PTPRN2: variants seen among roughly 807,000 people sequenced by gnomAD.
PTPRN2 encodes receptor-type tyrosine-protein phosphatase N2.
A neutral mutation model predicts 118.8 loss-of-function variants in PTPRN2; 74 were observed. The observed-to-expected ratio is 0.62, with a 90% CI of 0.52 to 0.76. The LOEUF (loss-of-function observed/expected upper bound fraction) is 0.76, where lower values mean the gene tolerates loss of function less well. Ranked by LOEUF, PTPRN2 falls within the 30% of genes least tolerant of loss-of-function variation. PTPRN2 has a pLI of 0.00. For synonymous variants in PTPRN2, 641 were observed against 608.0 expected, an observed-to-expected ratio of 1.05 and a Z score of -0.80; for missense variants, 1,481 against 1,394.4, an observed-to-expected ratio of 1.06 and a Z score of -0.99.
chr7:157,756,247 C>T (rs556018529), intron 12 of PTPRN2, among the ~76,000 whole-genome samples: 10 of 151,988 alleles, frequency 6.6e-5, no homozygotes, highest in African/African-American at 1.9e-4. Flanking sequence ...GTTAGGATCT[C>T]GGCTCTGTAA....
intron 1 of PTPRN2, among the ~76,000 whole-genome samples, chr7:158,514,050 C>T (rs1049153519): frequency 5.3e-5 from 8 of 152,208 alleles, no homozygotes; most frequent in African/African-American, 1.7e-4. Flanking sequence ...GCACCCAGCA[C>T]TCTGCATCAA....
At chr7:157,946,810 G>A (rs1003308452) in intron 11 of PTPRN2, among the ~76,000 whole-genome samples, 9 of 152,248 alleles carry the variant, frequency 5.9e-5, no homozygotes, top group Admixed American at 5.2e-4. Context: ...GGGACAGTAA[G>A]CCTGAGAAGG....
At chr7:158,026,388 G>A (rs1240250371) in intron 11 of PTPRN2, among the ~76,000 whole-genome samples, 19 of 152,176 alleles carry the variant, frequency 1.2e-4, no homozygotes, top group Admixed American at 1.2e-3. Flanking sequence ...ACATCCATGT[G>A]GGAAGGTCCA....
chr7:158,263,570 T>C (rs1371064060), intron 3 of PTPRN2, among the ~76,000 whole-genome samples: 1 of 152,228 alleles, frequency 6.6e-6, no homozygotes, highest in Non-Finnish European at 1.5e-5. Flanking sequence ...CCACCGTTGT[T>C]TGTGTATTTC....
intron 5 of PTPRN2, among the ~76,000 whole-genome samples, chr7:158,177,240 G>T (rs1329100495): frequency 2.6e-5 from 4 of 152,178 alleles, no homozygotes; most frequent in Non-Finnish European, 1.5e-5. Context: ...TCCTCATCAA[G>T]AGTTGGTTTT....
At chr7:157,842,320 C>G (rs1381030980) in intron 12 of PTPRN2, among the ~76,000 whole-genome samples, 1 of 151,828 alleles carries the variant, frequency 6.6e-6, no homozygotes, top group African/African-American at 2.4e-5. Flanking sequence ...GATCTATCTG[C>G]TCTTATTTTC....
At chr7:157,937,562 CG>C in intron 11 of PTPRN2, among the ~76,000 whole-genome samples, 1 of 152,288 alleles carries the variant, frequency 6.6e-6, no homozygotes, top group East Asian at 1.9e-4. Context: ...ATAGCGCTCC[CG>C]AGTGCGGCCG....
chr7:158,097,476 C>T (rs1814725465), intron 10 of PTPRN2, among the ~76,000 whole-genome samples: 3 of 152,238 alleles, frequency 2.0e-5, no homozygotes, highest in Admixed American at 6.5e-5. Context: ...CAGAATTAGG[C>T]TGCGTGCCCC....
chr7:158,071,262 G>C (rs1484532694), intron 11 of PTPRN2, among the ~76,000 whole-genome samples: 1 of 45,542 alleles, frequency 2.2e-5, no homozygotes, highest in East Asian at 2.2e-3. Context: ...GGAGGTGCCC[G>C]TGGTGGTGGA....
At chr7:157,838,925 G>C (rs1434458491) in intron 12 of PTPRN2, among the ~76,000 whole-genome samples, 1 of 133,132 alleles carries the variant, frequency 7.5e-6, no homozygotes, top group Non-Finnish European at 1.5e-5. Context: ...GATGGCACGG[G>C]AGAAAGCTCC....
intron 2 of PTPRN2, among the ~76,000 whole-genome samples, chr7:158,410,419 G>A (rs776235059): frequency 5.3e-5 from 8 of 152,094 alleles, no homozygotes; most frequent in East Asian, 1.9e-4. Flanking sequence ...TCTCCTTCTC[G>A]TGGGATGAAG....
At chr7:157,744,732 G>T (rs528706979) in intron 12 of PTPRN2, among the ~76,000 whole-genome samples, 2 of 152,272 alleles carry the variant, frequency 1.3e-5, no homozygotes, top group African/African-American at 4.8e-5. Flanking sequence ...CCAAGGACAG[G>T]TCTGTCTGCC....
Position 157,992,283 on chromosome 7 carries a change from T to C in PTPRN2, c.1723+89015A>G, listed in dbSNP as rs140734409. ...TGTTCATTTAAACGTGATCAAAGAC[T>C]GCATGGCGACACGTTCTCTGGAAAG... On this transcript the variant is annotated intron_variant, in intron 11 of 22. Transcript: ENST00000389418. Among the ~76,000 whole-genome samples the C allele has an allele frequency of 4.3e-3, 655 of 152,382 alleles. 5 individuals carry two copies. The highest frequency in any genetic ancestry group is 0.015 in the African/African-American group (624 of 41,586).
intron 12 of PTPRN2, among the ~76,000 whole-genome samples, chr7:157,712,195 G>A (rs1386411713): frequency 6.6e-6 from 1 of 152,154 alleles, no homozygotes; most frequent in Non-Finnish European, 1.5e-5. Context: ...TGGGAATGCG[G>A]GTCTGGGGTT....
chr7:157,875,270 C>G (rs1034766673), intron 12 of PTPRN2, among the ~76,000 whole-genome samples: 1 of 152,212 alleles, frequency 6.6e-6, no homozygotes, highest in Non-Finnish European at 1.5e-5. Context: ...CTCCTGGGGG[C>G]TCCTTCTTCA....
intron 6 of PTPRN2, among the ~76,000 whole-genome samples, chr7:158,162,404 T>C (rs994366579): frequency 1.3e-5 from 2 of 152,214 alleles, no homozygotes; most frequent in Non-Finnish European, 2.9e-5. Flanking sequence ...TGGATTATAA[T>C]GTAATAATAC....
At chr7:157,573,477 C>G (rs951408564) in intron 19 of PTPRN2, among the ~76,000 whole-genome samples, 7 of 152,220 alleles carry the variant, frequency 4.6e-5, no homozygotes, top group African/African-American at 1.7e-4. Flanking sequence ...TCCACACCCA[C>G]CAGTCACCAG....
chr7:158,549,194 T>A (rs1433980961), intron 1 of PTPRN2, among the ~76,000 whole-genome samples: 1 of 152,212 alleles, frequency 6.6e-6, no homozygotes, highest in African/African-American at 2.4e-5. Flanking sequence ...GATTCAGGCT[T>A]TTTTTAATGA....
intron 2 of PTPRN2, among the ~76,000 whole-genome samples, chr7:158,430,301 C>T (rs1447024552): frequency 5.3e-5 from 8 of 152,216 alleles, no homozygotes. Flanking sequence ...AGTGCACAAA[C>T]TCAGCATGGG....
Sources: allele counts gnomAD v4.1 joint callset (sites outside exome capture counted in the v4.1 genomes callset), GRCh38; gene constraint gnomAD v4.1.1; transcripts MANE v1.5; gene names NCBI Gene and HGNC (gene_info 2026-07-23, HGNC 2026-07-21).